Variants in TBCA observed in about 807,000 individuals in gnomAD.
TBCA encodes tubulin-specific chaperone A.
A neutral mutation model predicts 15.8 loss-of-function variants in TBCA; 6 were observed. The observed-to-expected ratio is 0.38, with a 90% CI of 0.21 to 0.75. TBCA has a LOEUF of 0.75. TBCA is among the 30% of genes least tolerant of loss of function. The probability of loss-of-function intolerance (pLI) is 0.46; values close to 1 mark genes in which losing one functional copy is unlikely to be tolerated. For synonymous variants in TBCA, 32 were observed against 42.3 expected, an observed-to-expected ratio of 0.76 and a Z score of 0.94; for missense variants, 90 against 131.2, an observed-to-expected ratio of 0.69 and a Z score of 1.53.
intron 1 of TBCA, among the ~76,000 whole-genome samples, chr5:77,749,205 A>G (rs1264345721): frequency 6.6e-6 from 1 of 152,248 alleles, no homozygotes; most frequent in East Asian, 1.9e-4. Context: ...CAATTTACTG[A>G]AGAGATGAAC....
At chr5:77,708,194 A>T in intron 2 of TBCA, 48 bp downstream of exon 2, 1 of 1,306,980 alleles carries the variant, frequency 7.7e-7, no homozygotes, top group Non-Finnish European at 1.1e-6. Context: ...ATTAGTTAAT[A>T]TGGCATTCTG....
chr5:77,700,959 T>G (rs953734917), intron 2 of TBCA, among the ~76,000 whole-genome samples: 4 of 151,970 alleles, frequency 2.6e-5, no homozygotes, highest in Admixed American at 6.6e-5. Flanking sequence ...CCTGAAACCA[T>G]GAAAATGGAA....
chr5:77,698,773 A>C (rs1054004785), intron 2 of TBCA, among the ~76,000 whole-genome samples: 1 of 152,178 alleles, frequency 6.6e-6, no homozygotes, highest in Non-Finnish European at 1.5e-5. Context: ...TCAGCAATGT[A>C]TACAAATAAT....
At chr5:77,762,190 T>G (rs1256603328) in intron 1 of TBCA, among the ~76,000 whole-genome samples, 2 of 152,170 alleles carry the variant, frequency 1.3e-5, no homozygotes, top group Non-Finnish European at 2.9e-5. Flanking sequence ...CACTAGATGT[T>G]TGCAATGAAG....
chr5:77,697,228 A>C (rs1002667111), intron 2 of TBCA, among the ~76,000 whole-genome samples: 1 of 152,240 alleles, frequency 6.6e-6, no homozygotes, highest in Non-Finnish European at 1.5e-5. Flanking sequence ...GAACTGAACA[A>C]CACCAACGCA....
At position 77,765,546 on chromosome 5, in the gene TBCA, T is replaced by G. The variant is rs139707446; in HGVS notation, c.53+10659A>C. 2.9e-3 allele frequency among the ~76,000 whole-genome samples: 442 copies of G among 152,190 alleles called. 2 individuals carry two copies. The highest frequency in any genetic ancestry group is 0.01 in the African/African-American group (418 of 41,516). The stretch of plus-strand genomic sequence containing the variant: ...TGAAGTCCTTCTAAGATCTGTACCC[T>G]CTCCCTCCTACTTTTCTGAATCTCC... On this transcript the variant is annotated intron_variant, in intron 1 of 3. Transcript: ENST00000380377.
chr5:77,708,448 G>A, intron 1 of TBCA, 101 bp from the exon 2 acceptor site: 1 of 655,178 alleles, frequency 1.5e-6, no homozygotes, highest in East Asian at 2.8e-5. Context: ...AAATACCAAA[G>A]TAGATATACT....
At chr5:77,742,642 T>C (rs772810112) in intron 1 of TBCA, among the ~76,000 whole-genome samples, 24 of 152,182 alleles carry the variant, frequency 1.6e-4, no homozygotes, top group Non-Finnish European at 2.9e-4. Flanking sequence ...TACCAAAATG[T>C]TCAGGTAATA....
In TBCA at chr5:77,691,510, T is replaced by C. The variant is rs1745748772; in HGVS notation, c.247-12A>G. 1.3e-6 allele frequency: 2 copies of C among 1,571,834 alleles called. No homozygotes were observed. The highest frequency in any genetic ancestry group is 1.4e-5 in the African/African-American group (1 of 72,792). ...TCTTTTTCATTTTCCTAAAATGAAATACAATAAAAATTAAGTTTATCCTTT... is the reference window on the plus strand; with the variant it reads ...TCTTTTTCATTTTCCTAAAATGAAACACAATAAAAATTAAGTTTATCCTTT... On this transcript the variant is annotated splice_polypyrimidine_tract_variant and intron_variant, in intron 3 of 3. Coordinates refer to ENST00000380377, the MANE Select transcript of TBCA (RefSeq NM_004607.3).
intron 1 of TBCA, among the ~76,000 whole-genome samples, chr5:77,733,747 T>A (rs1165021719): frequency 1.3e-5 from 2 of 152,228 alleles, no homozygotes; most frequent in Admixed American, 1.3e-4. Flanking sequence ...CTAGCTAAGA[T>A]CACTGATGAA....
intron 2 of TBCA, among the ~76,000 whole-genome samples, chr5:77,699,179 A>G (rs1403145785): frequency 3.3e-5 from 5 of 152,168 alleles, no homozygotes. Flanking sequence ...TAACTGGGAC[A>G]TCAATTTGCC....
At chr5:77,753,965 A>G (rs945969481) in intron 1 of TBCA, among the ~76,000 whole-genome samples, 19 of 152,266 alleles carry the variant, frequency 1.2e-4, no homozygotes, top group African/African-American at 4.1e-4. Flanking sequence ...CATGTTGGCC[A>G]CGCTGGTCTC....
intron 1 of TBCA, among the ~76,000 whole-genome samples, chr5:77,733,738 T>C (rs1746829891): frequency 6.6e-6 from 1 of 152,246 alleles, no homozygotes; most frequent in Non-Finnish European, 1.5e-5. Flanking sequence ...CCAGATGATC[T>C]AGCTAAGATC....
intron 2 of TBCA, among the ~76,000 whole-genome samples, chr5:77,701,058 T>TA (rs77764279): frequency 0.032 from 4,888 of 152,098 alleles, 123 homozygotes; most frequent in South Asian, 0.13. Flanking sequence ...AAAACAAAGA[T>TA]AAATAGCTGG....
chr5:77,759,040 G>A (rs1227287733), intron 1 of TBCA, among the ~76,000 whole-genome samples: 5 of 152,096 alleles, frequency 3.3e-5, no homozygotes, highest in African/African-American at 9.7e-5. Context: ...ATCACCTGAC[G>A]GTCACCTGAC....
intron 3 of TBCA, chr5:77,693,065 T>G: frequency 6.9e-7 from 1 of 1,446,278 alleles, no homozygotes; most frequent in Non-Finnish European, 9.0e-7. Flanking sequence ...ACAAACATGC[T>G]AGAAAACAGT....
intron 3 of TBCA, chr5:77,692,375 C>T: frequency 1.0e-6 from 1 of 984,712 alleles, no homozygotes; most frequent in Non-Finnish European, 1.2e-6. Flanking sequence ...TAAATACAAG[C>T]TCTTCAAGGG....
chr5:77,775,619 A>T (rs1181055416), intron 1 of TBCA, among the ~76,000 whole-genome samples: 1 of 152,194 alleles, frequency 6.6e-6, no homozygotes, highest in Non-Finnish European at 1.5e-5. Flanking sequence ...AGCTTCGGGG[A>T]ATCTGACTGG....
chr5:77,726,881 A>G (rs886778631), intron 1 of TBCA, among the ~76,000 whole-genome samples: 1 of 152,170 alleles, frequency 6.6e-6, no homozygotes, highest in African/African-American at 2.4e-5. Flanking sequence ...ACTAAGTTCT[A>G]AAGATTCAAG....
Sources: allele counts gnomAD v4.1 joint callset (sites outside exome capture counted in the v4.1 genomes callset), GRCh38; gene constraint gnomAD v4.1.1; transcripts MANE v1.5; gene names NCBI Gene and HGNC (gene_info 2026-07-23, HGNC 2026-07-21).